Variants in MYH1 observed in about 807,000 individuals in gnomAD.
MYH1 encodes the protein myosin heavy chain 1.
In MYH1, 214 loss-of-function variants were observed where a neutral mutation model predicts 225.6. The observed-to-expected ratio is 0.95, with a 90% CI of 0.85 to 1.06. The LOEUF is 1.06. MYH1 is among the 50% of genes least tolerant of loss of function. The pLI is 0.00. For synonymous variants in MYH1, 774 were observed against 842.3 expected (o/e 0.92, Z 1.40); for missense variants, 2,098 against 2,344.2 (o/e 0.89, Z 2.17).
In MYH1 at chr17:10,509,702, C is replaced by T. The variant is rs984451899; in HGVS notation, c.1417-47G>A. ...ATTAGCATTCAATTTATAATGAAAT[C>T]TTCTCTTTGAAAGGGGTGTTTTTTT... On this transcript the variant is annotated intron_variant, in intron 14 of 39. Transcript: ENST00000226207. The T allele has an allele frequency of 5.0e-6, 8 of 1,613,914 alleles. No homozygotes were observed. In the Admixed American group the frequency reaches 5.0e-5, roughly 10 times the overall value.
intron 17 of MYH1, among the ~76,000 whole-genome samples, chr17:10,506,569 G>A (rs2073114562): frequency 1.3e-5 from 2 of 151,206 alleles, no homozygotes; most frequent in South Asian, 2.1e-4. Context: ...CTTGGCTCAC[G>A]GTAACCTCTG....
intron 14 of MYH1, 68 bp from the exon 15 acceptor site, chr17:10,509,723 T>C: frequency 6.2e-7 from 1 of 1,613,520 alleles, no homozygotes; most frequent in Non-Finnish European, 8.5e-7. Context: ...AAGGGGTGTT[T>C]TTTTAGTTAG....
intron 8 of MYH1, 42 bp downstream of exon 8, chr17:10,513,779 A>C (rs770817010): frequency 3.7e-6 from 6 of 1,612,912 alleles, no homozygotes; most frequent in Non-Finnish European, 5.1e-6. Context: ...TTTCTCTGGC[A>C]TCTAAAGGCA....
chr17:10,495,825 A>G (rs2072986324), intron 35 of MYH1, 125 bp downstream of exon 35: 1 of 1,187,684 alleles, frequency 8.4e-7, no homozygotes. Flanking sequence ...AATCAAAAAA[A>G]TAAAATATTT....
chr17:10,497,522 C>G, intron 31 of MYH1, 70 bp from the exon 32 acceptor site: 2 of 1,543,354 alleles, frequency 1.3e-6, no homozygotes, highest in Non-Finnish European at 1.7e-6. Flanking sequence ...TCTATTCTAG[C>G]ACCTCTCAGA....
chr17:10,510,960 AAAG>A (rs1409207960), intron 14 of MYH1, among the ~76,000 whole-genome samples: 1 of 151,804 alleles, frequency 6.6e-6, no homozygotes, highest in Non-Finnish European at 1.5e-5. Flanking sequence ...AAAAAAAAAA[AAAG>A]AAGCAGCTCA....
chr17:10,503,161 T>C lies in MYH1; in HGVS notation c.2779A>G (p.Thr927Ala), dbSNP rs1269396681. The C allele has an allele frequency of 6.2e-7, 1 of 1,613,940 alleles. No individual in the cohort carries two copies. The highest frequency in any genetic ancestry group is 8.5e-7 in the Non-Finnish European group (1 of 1,179,836). ...TCTTCCTCATCCTCAGCTCTCTCAGTCACCTCTTTGATTTTGGCTTCTAGC... is the reference window on the plus strand; with the variant it reads ...TCTTCCTCATCCTCAGCTCTCTCAGCCACCTCTTTGATTTTGGCTTCTAGC... ...IQLEAKIKEV[T>A]ERAEDEEEIN... is the part of the protein sequence containing the mutation. The change falls in exon 23 of 40, where the codon ACT (threonine) becomes GCT (alanine). Residue 927 changes from threonine to alanine, a missense_variant. Thr to Ala is a moderately conservative substitution (Grantham distance 58). Transcript: ENST00000226207.
chr17:10,507,776 C>T (rs944294460), intron 17 of MYH1, 110 bp downstream of exon 17: 17 of 895,878 alleles, frequency 1.9e-5, no homozygotes, highest in Non-Finnish European at 9.0e-6. Context: ...TGAACTATCT[C>T]GTTGAGTCAC....
intron 12 of MYH1, 31 bp from the exon 13 acceptor site, chr17:10,512,223 G>A (rs1330445358): frequency 1.2e-6 from 2 of 1,603,374 alleles, no homozygotes; most frequent in Non-Finnish European, 1.7e-6. Flanking sequence ...TACCTAATAT[G>A]ACTTACTCTG....
At position 10,495,064 on chromosome 17, in the gene MYH1, T is replaced by C. The variant is rs375606470; in HGVS notation, c.5333A>G (p.Asp1778Gly). 1.2e-6 allele frequency: 2 copies of C among 1,614,112 alleles called. No homozygotes were observed. The highest frequency in any genetic ancestry group is 1.7e-6 in the Non-Finnish European group (2 of 1,180,052). Residue 1778 changes from aspartate to glycine, a missense_variant, in exon 37 of 40, where the codon GAC (aspartate) becomes GGC (glycine). Physicochemically the swap from Asp to Gly is moderately conservative, Grantham distance 94. Coordinates refer to ENST00000226207, the MANE Select transcript of MYH1 (RefSeq NM_005963.4). ...MMAEELKKEQ[D>G]TSAHLERMKK... ...CATCCGCTCCAGATGGGCGCTGGTGTCCTGTTCCTTCTTCAGCTCCTCAGC... is the reference window on the plus strand; with the variant it reads ...CATCCGCTCCAGATGGGCGCTGGTGCCCTGTTCCTTCTTCAGCTCCTCAGC...
chr17:10,498,791 G>C lies in MYH1; in HGVS notation c.4016C>G (p.Ser1339Cys). ...CAGCAGGTCACAGTCATGGCGGGAG[G>C]ACTGCAGGGCATGTGCCAGGGCACT... ...AKSALAHALQ[S>C]SRHDCDLLRE... Residue 1339 changes from serine (S) to cysteine (C), a missense_variant, in exon 30 of 40, where the codon TCC becomes TGC. Transcript: ENST00000226207. 6.2e-7 allele frequency: 1 copy of C among 1,614,224 alleles called. No individual in the cohort carries two copies. The highest frequency in any genetic ancestry group is 8.5e-7 in the Non-Finnish European group (1 of 1,180,038).
At chr17:10,499,691 A>G (rs1007037443) in intron 28 of MYH1, among the ~76,000 whole-genome samples, 1 of 152,224 alleles carries the variant, frequency 6.6e-6, no homozygotes, top group Non-Finnish European at 1.5e-5. Flanking sequence ...AATGCACTAC[A>G]TTATGTTAGA....
chr17:10,504,969 G>T lies in MYH1; in HGVS notation c.2532C>A (p.Leu844=). The T allele has an allele frequency of 6.2e-7, 1 of 1,614,032 alleles. No homozygotes were observed. The highest frequency in any genetic ancestry group is 8.5e-7 in the Non-Finnish European group (1 of 1,180,032). The change falls in exon 22 of 40, where the codon CTC becomes CTA. Residue 844 remains leucine, a synonymous_variant. Coordinates refer to ENST00000226207, the MANE Select transcript of MYH1 (RefSeq NM_005963.4). ...MKLYFKIKPL[L]KSAETEKEMA... ...TCTCCTTCTCTGTCTCTGCACTTTTGAGGAGGGGTTTGATCTTGAAATACA... is the reference window on the plus strand; with the variant it reads ...TCTCCTTCTCTGTCTCTGCACTTTTTAGGAGGGGTTTGATCTTGAAATACA...
rs1385024678 is a variant in MYH1, at chr17:10,497,931, G to T, written c.4182-14C>A. On this transcript the variant is annotated splice_polypyrimidine_tract_variant and intron_variant, in intron 30 of 39. Transcript: ENST00000226207. ...GCCAGCTTCTTCCTATGAAATATGG[G>T]CAATAAAAGTGAATGGCTGTCAACT... 1 of 1,584,092 alleles carries T rather than the reference G, an allele frequency of 6.3e-7. No individual in the cohort carries two copies. Among genetic ancestry groups the T allele is most frequent in the Non-Finnish European group, 8.5e-7 (1 of 1,170,352 alleles).
chr17:10,513,372 A>T (rs1376282790), intron 9 of MYH1, among the ~76,000 whole-genome samples: 1 of 152,196 alleles, frequency 6.6e-6, no homozygotes, highest in Non-Finnish European at 1.5e-5. Flanking sequence ...CTTAAAAAAA[A>T]AATTGAAATC....
At chr17:10,515,094 C>T (rs577429016) in intron 5 of MYH1, among the ~76,000 whole-genome samples, 199 bp from the exon 6 acceptor site, 1 of 152,258 alleles carries the variant, frequency 6.6e-6, no homozygotes, top group African/African-American at 2.4e-5. Flanking sequence ...CCGTAGTTGT[C>T]ATCTGTAGAT....
Position 10,512,886 on chromosome 17 carries a change from G to T in MYH1, c.885C>A (p.Asn295Lys), listed in dbSNP as rs749614923. 3 of 1,612,542 alleles carry T rather than the reference G, an allele frequency of 1.9e-6. No homozygotes were observed. The highest frequency in any genetic ancestry group is 2.5e-6 in the Non-Finnish European group (3 of 1,178,592). Residue 295 changes from asparagine (N) to lysine (K), a missense_variant, in exon 10 of 40, where the codon AAC (asparagine) becomes AAA (lysine). By Grantham distance (94) the Asn-to-Lys change is moderately conservative. Coordinates refer to ENST00000226207, the MANE Select transcript of MYH1 (RefSeq NM_005963.4). ...TCTTACCAATTAGATCTGGCTTCTTGTTAGACATGATCTGATAAAAAATAT... is the reference window on the plus strand; with the variant it reads ...TCTTACCAATTAGATCTGGCTTCTTTTTAGACATGATCTGATAAAAAATAT... The part of the protein sequence containing the change: ...SYHIFYQIMS[N>K]KKPDLIEMLL...
At chr17:10,494,812 C>T (rs1211540342) in intron 37 of MYH1, 119 bp downstream of exon 37, 3 of 1,590,652 alleles carry the variant, frequency 1.9e-6, no homozygotes, top group East Asian at 4.5e-5. Flanking sequence ...AGCTTTTGGG[C>T]ATGAGGGAAT....
rs1413905502 is a variant in MYH1, at chr17:10,492,335, A to G, written c.*81T>C. ...TTGGCAGATAAATTTTTTATCTCCAAAAGTCATAAGTACAAAATGGAGTGA... is the reference window on the plus strand; with the variant it reads ...TTGGCAGATAAATTTTTTATCTCCAGAAGTCATAAGTACAAAATGGAGTGA... On this transcript the variant is annotated 3_prime_UTR_variant, in exon 40 of 40. Coordinates refer to ENST00000226207, the MANE Select transcript of MYH1 (RefSeq NM_005963.4). The G allele has an allele frequency of 8.5e-6, 13 of 1,537,634 alleles. No homozygotes were observed. The highest frequency in any genetic ancestry group is 4.2e-5 in the African/African-American group (3 of 71,162).
Sources: allele counts gnomAD v4.1 joint callset (sites outside exome capture counted in the v4.1 genomes callset), GRCh38; gene constraint gnomAD v4.1.1; transcripts MANE v1.5; gene names NCBI Gene and HGNC (gene_info 2026-07-23, HGNC 2026-07-21).